Variants in SUGCT observed in about 807,000 individuals in gnomAD.
SUGCT encodes succinyl-CoA:glutarate CoA-transferase.
SUGCT carries 41 observed loss-of-function variants against 55.0 expected under a neutral mutation model. That is an observed-to-expected ratio of 0.74 (90% CI 0.58 to 0.97). SUGCT has a LOEUF of 0.97. Ranked by LOEUF, SUGCT falls within the 50% of genes least tolerant of loss-of-function variation. The probability of loss-of-function intolerance (pLI) is 0.00; values close to 1 mark genes in which losing one functional copy is unlikely to be tolerated. For missense variants in SUGCT, 568 were observed against 547.8 expected (o/e 1.04, Z -0.37); for synonymous variants, 187 against 200.4 (o/e 0.93, Z 0.56).
At chr7:40,467,988 A>G (rs1182824825) in intron 11 of SUGCT, among the ~76,000 whole-genome samples, 16 of 149,920 alleles carry the variant, frequency 1.1e-4, no homozygotes, top group Admixed American at 4.6e-4. Flanking sequence ...TTTTTTAACT[A>G]AAAGAGTACC....
At chr7:40,995,337 C>G in the SUGCT span, among the ~76,000 whole-genome samples, 1 of 151,626 alleles carries the variant, frequency 6.6e-6, no homozygotes, top group Admixed American at 6.6e-5. Context: ...CATTTTATCC[C>G]CGTTATCTCC....
chr7:40,245,404 CATAT>C lies in SUGCT; in HGVS notation c.576+7695_576+7698del, dbSNP rs202125224. On this transcript the variant is annotated intron_variant, in intron 7 of 13. Coordinates refer to ENST00000335693, the MANE Select transcript of SUGCT (RefSeq NM_001193313.2). ...TAAATTTTTATAGGTACGTAGTAGACATATATATATATATATATATTTTTTTTTT... is the reference window on the plus strand; with the variant it reads ...TAAATTTTTATAGGTACGTAGTAGACATATATATATATATATTTTTTTTTT... 2.4e-3 allele frequency among the ~76,000 whole-genome samples: 128 copies of C among 53,066 alleles called. 1 individual carries two copies. The highest frequency in any genetic ancestry group is 0.012 in the Middle Eastern group (1 of 86). 34.8% of individuals were successfully genotyped at this position (53,066 alleles called of 152,430 possible). A position where few individuals can be genotyped will look rare whatever the true frequency, so the allele number is the denominator to read the frequency against.
At chr7:40,748,936 C>T (rs1787872438) in intron 12 of SUGCT, among the ~76,000 whole-genome samples, 2 of 152,162 alleles carry the variant, frequency 1.3e-5, no homozygotes, top group Admixed American at 1.3e-4. Context: ...CAGCAGTCAC[C>T]GAGCCTTCTG....
chr7:40,607,089 T>C (rs565713841), intron 12 of SUGCT, among the ~76,000 whole-genome samples: 5 of 151,272 alleles, frequency 3.3e-5, no homozygotes, highest in South Asian at 2.1e-4. Flanking sequence ...GAAGGCTTTA[T>C]TGTATGCTTT....
At chr7:40,674,163 T>A (rs552368543) in intron 12 of SUGCT, among the ~76,000 whole-genome samples, 1 of 152,358 alleles carries the variant, frequency 6.6e-6, no homozygotes, top group Non-Finnish European at 1.5e-5. Context: ...AAGTACCAAG[T>A]ACTATTTCTT....
the SUGCT span, among the ~76,000 whole-genome samples, chr7:40,919,755 C>G: frequency 3.7e-3 from 564 of 152,292 alleles, 1 homozygote; most frequent in South Asian, 0.01. Context: ...CTAGAAGGAC[C>G]TACCTGACCA....
At chr7:40,985,014 A>T in the SUGCT span, among the ~76,000 whole-genome samples, 2 of 152,198 alleles carry the variant, frequency 1.3e-5, no homozygotes, top group African/African-American at 4.8e-5. Flanking sequence ...CAAAGAACAA[A>T]GTGTATGTGT....
At chr7:40,188,926 T>A (rs1785711680) in intron 4 of SUGCT, among the ~76,000 whole-genome samples, 1 of 152,232 alleles carries the variant, frequency 6.6e-6, no homozygotes, top group Admixed American at 6.5e-5. Context: ...ATCATCCTTG[T>A]TAGCATATTA....
chr7:40,847,196 G>T (rs1458141843), intron 13 of SUGCT, among the ~76,000 whole-genome samples: 1 of 152,088 alleles, frequency 6.6e-6, no homozygotes, highest in Non-Finnish European at 1.5e-5. Flanking sequence ...CTAGTTTGTG[G>T]TGGGATAACA....
intron 13 of SUGCT, among the ~76,000 whole-genome samples, chr7:40,784,561 G>A (rs917778512): frequency 5.3e-5 from 8 of 152,172 alleles, no homozygotes; most frequent in Non-Finnish European, 7.4e-5. Flanking sequence ...TTGGGCCAGA[G>A]AATGTCCCCT....
intron 9 of SUGCT, among the ~76,000 whole-genome samples, chr7:40,370,908 T>C (rs1277902886): frequency 6.6e-6 from 1 of 152,124 alleles, no homozygotes; most frequent in Non-Finnish European, 1.5e-5. Flanking sequence ...TGAATACCTA[T>C]GGTGTCTCAA....
chr7:40,951,649 T>C, the SUGCT span, among the ~76,000 whole-genome samples: 1 of 152,342 alleles, frequency 6.6e-6, no homozygotes, highest in South Asian at 2.1e-4. Context: ...TTCTGGTATG[T>C]TGTGTCTTTG....
At chr7:40,608,590 C>T (rs752743855) in intron 12 of SUGCT, among the ~76,000 whole-genome samples, 2 of 152,190 alleles carry the variant, frequency 1.3e-5, no homozygotes, top group Non-Finnish European at 2.9e-5. Context: ...TATGGGATTA[C>T]TCAAAGCTCA....
intron 12 of SUGCT, among the ~76,000 whole-genome samples, chr7:40,509,908 A>G (rs534244682): frequency 3.3e-5 from 5 of 152,144 alleles, no homozygotes; most frequent in Non-Finnish European, 5.9e-5. Context: ...GCTCCATTGT[A>G]CCCGCAACCT....
intron 12 of SUGCT, among the ~76,000 whole-genome samples, chr7:40,520,631 G>T (rs1330362163): frequency 6.6e-6 from 1 of 152,154 alleles, no homozygotes; most frequent in African/African-American, 2.4e-5. Context: ...ATAGGAGGAA[G>T]AAAAGTACAA....
chr7:41,015,632 G>A, the SUGCT span, among the ~76,000 whole-genome samples: 19,466 of 152,044 alleles, frequency 0.13, 2,858 homozygotes, highest in African/African-American at 0.36. Flanking sequence ...CCTTCAAATG[G>A]TAACGGGCAT....
At chr7:40,172,152 C>A (rs562686211) in intron 1 of SUGCT, among the ~76,000 whole-genome samples, 1 of 152,300 alleles carries the variant, frequency 6.6e-6, no homozygotes, top group Admixed American at 6.5e-5. Flanking sequence ...TTGTCATAGA[C>A]CCAGTTCCAG....
At chr7:40,450,390 C>T (rs1272264752) in intron 10 of SUGCT, among the ~76,000 whole-genome samples, 1 of 150,866 alleles carries the variant, frequency 6.6e-6, no homozygotes, top group African/African-American at 2.4e-5. Context: ...ATCCAAAGGC[C>T]TTACCTGTTA....
chr7:40,155,374 A>G (rs73129902), intron 1 of SUGCT, among the ~76,000 whole-genome samples: 2,482 of 152,218 alleles, frequency 0.016, 31 homozygotes, highest in Middle Eastern at 0.044. Flanking sequence ...AGTGAAAAAA[A>G]AAAAAAGGAC....
Sources: allele counts gnomAD v4.1 joint callset (sites outside exome capture counted in the v4.1 genomes callset), GRCh38; gene constraint gnomAD v4.1.1; transcripts MANE v1.5; gene names NCBI Gene and HGNC (gene_info 2026-07-23, HGNC 2026-07-21).